Variants in RBKS observed in about 807,000 individuals in gnomAD.
The protein encoded by RBKS is ribokinase.
In RBKS, 33 loss-of-function variants were observed where a neutral mutation model predicts 33.9. The ratio of observed to expected loss-of-function variants is 0.97; its 90% CI spans 0.74 to 1.30. The LOEUF (loss-of-function observed/expected upper bound fraction) is 1.30, where lower values mean the gene tolerates loss of function less well. Among genes scored for constraint, RBKS ranks in the 50% most tolerant of loss-of-function variants. RBKS has a pLI of 0.00. For synonymous variants in RBKS, 125 were observed against 143.0 expected, an observed-to-expected ratio of 0.87 and a Z score of 0.90; for missense variants, 361 against 392.6, an observed-to-expected ratio of 0.92 and a Z score of 0.68.
At chr2:27,793,776 T>C (rs1677583332) in intron 7 of RBKS, among the ~76,000 whole-genome samples, 1 of 152,238 alleles carries the variant, frequency 6.6e-6, no homozygotes. Flanking sequence ...TATTGTATTT[T>C]TGTTATGTCC....
In RBKS at chr2:27,890,275, C is replaced by T. The variant is rs1209648896; in HGVS notation, c.71G>A (p.Cys24Tyr). 6 of 1,613,634 alleles carry T rather than the reference C, an allele frequency of 3.7e-6. No homozygotes were observed. Among genetic ancestry groups the T allele is most frequent in the Non-Finnish European group, 5.1e-6 (6 of 1,179,992 alleles). The change falls in exon 1 of 8, where the codon TGC (cysteine) becomes TAC (tyrosine). Residue 24 changes from cysteine (C) to tyrosine (Y), a missense_variant. Cys to Tyr is a radical substitution (Grantham distance 194). Coordinates refer to ENST00000302188, the MANE Select transcript of RBKS (RefSeq NM_022128.3). This position sits in a 1 kb window ranked among gnomAD's most constrained non-coding sequence, Gnocchi z 4.8. ...GACTAACCTGACCAGGTCGGTCATG[C>T]AGGAGCCCACCACTACCACCGCCGC... ...EVAAVVVVGSCMTDLVSLTSR... is the reference protein window; with the variant it reads ...EVAAVVVVGSYMTDLVSLTSR...
intron 1 of RBKS, among the ~76,000 whole-genome samples, chr2:27,861,213 C>T (rs1013299973): frequency 1.3e-5 from 2 of 152,172 alleles, no homozygotes; most frequent in African/African-American, 4.8e-5. Flanking sequence ...AGTGATCCGC[C>T]TGCCTTAGCC....
chr2:27,822,039 A>G (rs1481153098), intron 7 of RBKS, among the ~76,000 whole-genome samples: 1 of 152,170 alleles, frequency 6.6e-6, no homozygotes, highest in Non-Finnish European at 1.5e-5. Context: ...AAACTCAACT[A>G]ATTACTACAT....
At chr2:27,782,839 A>T (rs968195454) in intron 7 of RBKS, 3 of 239,680 alleles carry the variant, frequency 1.3e-5, no homozygotes, top group African/African-American at 6.7e-5. Flanking sequence ...TTGGGGAATT[A>T]TTCCCTGAAG....
chr2:27,815,764 G>A (rs928173531), intron 7 of RBKS, among the ~76,000 whole-genome samples: 1 of 152,168 alleles, frequency 6.6e-6, no homozygotes, highest in African/African-American at 2.4e-5. Context: ...ATCGTAGATG[G>A]GTAAGCAAGC....
intron 7 of RBKS, among the ~76,000 whole-genome samples, chr2:27,825,854 T>C (rs996930945): frequency 6.6e-6 from 1 of 152,242 alleles, no homozygotes; most frequent in East Asian, 1.9e-4. Flanking sequence ...GTAACTAACA[T>C]GGACACTGAG....
chr2:27,839,247 G>T (rs1294469341), intron 5 of RBKS, among the ~76,000 whole-genome samples: 1 of 152,220 alleles, frequency 6.6e-6, no homozygotes, highest in Non-Finnish European at 1.5e-5. Context: ...GACTGAAGTG[G>T]CATTAAAAGA....
chr2:27,787,274 A>C (rs2148180975), intron 7 of RBKS, among the ~76,000 whole-genome samples: 1 of 152,294 alleles, frequency 6.6e-6, no homozygotes, highest in African/African-American at 2.4e-5. Flanking sequence ...TCTACAAAAA[A>C]CATAAAAATT....
intron 7 of RBKS, among the ~76,000 whole-genome samples, chr2:27,784,014 C>G (rs1176939279): frequency 1.6e-5 from 1 of 64,506 alleles, no homozygotes; most frequent in African/African-American, 6.3e-5. Flanking sequence ...GACGGAGTCT[C>G]GCTCTGTCGC....
At position 27,781,749 on chromosome 2, in the gene RBKS, G is replaced by A. The variant is rs375305216; in HGVS notation, c.835C>T (p.Leu279=). 12 of 1,613,704 alleles carry A rather than the reference G, an allele frequency of 7.4e-6. No homozygotes were observed. Among genetic ancestry groups the A allele is most frequent in the African/African-American group, 1.3e-5 (1 of 74,898 alleles). The change falls in exon 8 of 8, where the codon CTG becomes TTG. Residue 279 remains leucine (L), a synonymous_variant. Transcript: ENST00000302188. ...AAGGACAGATTTGGATAGTAAGCCAGGTAGAAGGCCAGAGCTCCCACAAAG... is the reference window on the plus strand; with the variant it reads ...AAGGACAGATTTGGATAGTAAGCCAAGTAGAAGGCCAGAGCTCCCACAAAG... The part of the protein sequence containing the change: ...DSFVGALAFY[L]AYYPNLSLED...
At chr2:27,802,430 T>TTGTG (rs35820162) in intron 7 of RBKS, among the ~76,000 whole-genome samples, 35 of 148,992 alleles carry the variant, frequency 2.3e-4, no homozygotes, top group Admixed American at 6.7e-4. Context: ...GAACATATGT[T>TTGTG]TGTGTGTGTG....
At chr2:27,876,066 A>G (rs1312907475) in intron 1 of RBKS, among the ~76,000 whole-genome samples, 1 of 152,208 alleles carries the variant, frequency 6.6e-6, no homozygotes, top group East Asian at 1.9e-4. Flanking sequence ...TGTTATGGAA[A>G]ACAATATGGT....
intron 7 of RBKS, among the ~76,000 whole-genome samples, chr2:27,783,963 CAG>C (rs1677339271): frequency 7.2e-6 from 1 of 138,600 alleles, no homozygotes; most frequent in Non-Finnish European, 1.5e-5. Flanking sequence ...CAACAGCTCT[CAG>C]GGTCATTTTC....
At chr2:27,842,511 T>C (rs749330272) in intron 5 of RBKS, among the ~76,000 whole-genome samples, 4 of 152,190 alleles carry the variant, frequency 2.6e-5, no homozygotes, top group Non-Finnish European at 5.9e-5. Flanking sequence ...CTAGAGATGT[T>C]TGTCAAAAAG....
At position 27,801,659 on chromosome 2, in the gene RBKS, A is replaced by T. The variant is rs536834498; in HGVS notation, c.796-19871T>A. On this transcript the variant is annotated intron_variant, in intron 7 of 7. Coordinates refer to ENST00000302188, the MANE Select transcript of RBKS (RefSeq NM_022128.3). ...TATAAAGAAATACCTGAGGCTGGCT[A>T]ATTTATAAAGAAAAGAGATTTAACT... Among the ~76,000 whole-genome samples, 157 of 152,158 alleles carry T rather than the reference A, an allele frequency of 1.0e-3. 1 individual carries two copies. The highest frequency in any genetic ancestry group is 3.5e-3 in the African/African-American group (147 of 41,504).
chr2:27,789,652 C>T (rs1246345292), intron 7 of RBKS, among the ~76,000 whole-genome samples: 1 of 151,862 alleles, frequency 6.6e-6, no homozygotes, highest in Non-Finnish European at 1.5e-5. Flanking sequence ...GTAACTTCCG[C>T]CTCCTAGGTT....
intron 1 of RBKS, among the ~76,000 whole-genome samples, chr2:27,884,728 C>G (rs1181919805): frequency 1.3e-5 from 2 of 152,160 alleles, no homozygotes; most frequent in African/African-American, 2.4e-5. Flanking sequence ...CTCAAGCCAT[C>G]ACTTTTAATT....
intron 5 of RBKS, among the ~76,000 whole-genome samples, chr2:27,836,310 A>G (rs762125031): frequency 2.0e-5 from 3 of 152,158 alleles, no homozygotes; most frequent in Admixed American, 6.5e-5. Flanking sequence ...AACATAATTC[A>G]AGGTGGCAGT....
chr2:27,803,878 C>A (rs957722153), intron 7 of RBKS, among the ~76,000 whole-genome samples: 1 of 151,976 alleles, frequency 6.6e-6, no homozygotes, highest in African/African-American at 2.4e-5. Context: ...AAAACCCCAT[C>A]TACACATAAA....
Sources: allele counts gnomAD v4.1 joint callset (sites outside exome capture counted in the v4.1 genomes callset), GRCh38; gene constraint gnomAD v4.1.1; non-coding constraint Gnocchi (gnomAD v3.1); transcripts MANE v1.5; gene names NCBI Gene and HGNC (gene_info 2026-07-23, HGNC 2026-07-21).